The following GTF2IRD1 variants were observed in gnomAD, a reference collection of about 807,000 sequenced individuals.
GTF2IRD1 encodes general transcription factor II-I repeat domain-containing protein 1.
Under a neutral mutation model 113.2 loss-of-function variants are expected in GTF2IRD1, and 26 were observed. The ratio of observed to expected loss-of-function variants is 0.23; its 90% CI spans 0.17 to 0.32. GTF2IRD1 has a LOEUF of 0.32. Ranked by LOEUF, GTF2IRD1 falls within the 10% of genes least tolerant of loss-of-function variation. GTF2IRD1 has a pLI of 1.00. For missense variants in GTF2IRD1, 864 were observed against 1,280.8 expected (o/e 0.67, Z 4.97); for synonymous variants, 484 against 529.1 (o/e 0.91, Z 1.17).
At chr7:74,597,696 GA>G (rs1225762258) in intron 25 of GTF2IRD1, among the ~76,000 whole-genome samples, 1 of 152,148 alleles carries the variant, frequency 6.6e-6, no homozygotes, top group East Asian at 1.9e-4. Context: ...AAAAAATACT[GA>G]TCTAATCTTA....
At chr7:74,590,533 T>C (rs782722194) in intron 23 of GTF2IRD1, among the ~76,000 whole-genome samples, 3 of 151,724 alleles carry the variant, frequency 2.0e-5, no homozygotes, top group Non-Finnish European at 4.4e-5. Flanking sequence ...GGACTACAGG[T>C]GCCCGCCACC....
At chr7:74,496,968 C>T (rs1454310709) in intron 1 of GTF2IRD1, among the ~76,000 whole-genome samples, 10 of 151,978 alleles carry the variant, frequency 6.6e-5, no homozygotes, top group African/African-American at 1.7e-4. Context: ...TCAAGGCCAG[C>T]CTGGGCAACA....
At chr7:74,561,260 A>T (rs1188520223) in intron 22 of GTF2IRD1, among the ~76,000 whole-genome samples, 3 of 151,326 alleles carry the variant, frequency 2.0e-5, no homozygotes, top group African/African-American at 7.3e-5. Flanking sequence ...GAGGCAGGAG[A>T]ATCACTTGAA....
At chr7:74,597,872 C>T (rs1243897701) in intron 25 of GTF2IRD1, among the ~76,000 whole-genome samples, 5 of 152,084 alleles carry the variant, frequency 3.3e-5, no homozygotes, top group Non-Finnish European at 7.4e-5. Context: ...TCAACAGGGA[C>T]AGTGATAGGA....
chr7:74,582,113 G>A (rs782019449), intron 22 of GTF2IRD1, among the ~76,000 whole-genome samples: 23 of 152,218 alleles, frequency 1.5e-4, no homozygotes, highest in African/African-American at 5.1e-4. Context: ...GAGCTGTCTC[G>A]GTTGCAGCGG....
In GTF2IRD1 at chr7:74,525,959, G is replaced by T. The variant is rs113176813; in HGVS notation, c.1090+1805G>T. 2.6e-4 allele frequency among the ~76,000 whole-genome samples: 39 copies of T among 152,262 alleles called. 1 individual carries two copies. The highest frequency in any genetic ancestry group is 8.4e-4 in the African/African-American group (35 of 41,574). On this transcript the variant is annotated intron_variant, in intron 8 of 26. Coordinates refer to ENST00000424337, the MANE Select transcript of GTF2IRD1 (RefSeq NM_005685.4). The stretch of plus-strand genomic sequence containing the variant: ...TGACATGGGGCTGAACAAGACTCTG[G>T]AGGCCTTAGTGAGGAGCCTGGGATA...
intron 24 of GTF2IRD1, among the ~76,000 whole-genome samples, chr7:74,591,545 T>C (rs1802064550): frequency 6.6e-6 from 1 of 151,846 alleles, no homozygotes; most frequent in Admixed American, 6.6e-5. Context: ...CACCGGCTAA[T>C]TTTTGTATTT....
At chr7:74,522,592 C>A (rs1386384112) in intron 7 of GTF2IRD1, among the ~76,000 whole-genome samples, 1 of 152,056 alleles carries the variant, frequency 6.6e-6, no homozygotes, top group Non-Finnish European at 1.5e-5. Flanking sequence ...GGAGGACCCT[C>A]CCCCCCAACA....
chr7:74,572,106 C>T (rs782698207), intron 22 of GTF2IRD1, among the ~76,000 whole-genome samples: 5 of 152,176 alleles, frequency 3.3e-5, no homozygotes, highest in Non-Finnish European at 7.3e-5. Context: ...TGTGGGGTCT[C>T]CTGTCACCCA....
At position 74,530,004 on chromosome 7, in the gene GTF2IRD1, GT is replaced by G. The variant is rs1316264219; in HGVS notation, c.1274+89del. ...GCAGGCAGATCGCTTGAGGCCAGGA[GT>G]TCGAGACCAGCCTGGTCAACATGGC... On this transcript the variant is annotated intron_variant, in intron 9 of 26. Coordinates refer to ENST00000424337, the MANE Select transcript of GTF2IRD1 (RefSeq NM_005685.4). 20 of 946,028 alleles carry G rather than the reference GT, an allele frequency of 2.1e-5. No homozygotes were observed. The Middle Eastern group carries it at 7.2e-4, about 34-fold the overall frequency. The allele number at this position is 946,028 out of a possible 1,614,324, so 58.6% of individuals were successfully genotyped here. A position where few individuals can be genotyped will look rare whatever the true frequency, so the allele number is the denominator to read the frequency against.
In GTF2IRD1 at chr7:74,557,942, A is replaced by G. The variant is rs587714763; in HGVS notation, c.2107+220A>G. Among the ~76,000 whole-genome samples, 10 of 152,276 alleles carry G rather than the reference A, an allele frequency of 6.6e-5. No individual in the cohort carries two copies. The East Asian group carries it at 1.5e-3, about 23-fold the overall frequency. ...CTGTACTCATGAGCCTTGCAGACCAATGAGGTGAGATACACTTTCAAGAAC... is the reference window on the plus strand; with the variant it reads ...CTGTACTCATGAGCCTTGCAGACCAGTGAGGTGAGATACACTTTCAAGAAC... On this transcript the variant is annotated intron_variant, in intron 20 of 26. Coordinates refer to ENST00000424337, the MANE Select transcript of GTF2IRD1 (RefSeq NM_005685.4).
At chr7:74,497,144 AGAGT>A (rs1795780524) in intron 1 of GTF2IRD1, among the ~76,000 whole-genome samples, 1 of 152,210 alleles carries the variant, frequency 6.6e-6, no homozygotes, top group African/African-American at 2.4e-5. Context: ...CCTGGGCAAC[AGAGT>A]GAGACTCTTT....
chr7:74,480,224 C>T (rs1218596820), intron 1 of GTF2IRD1, among the ~76,000 whole-genome samples: 2 of 152,070 alleles, frequency 1.3e-5, no homozygotes, highest in Non-Finnish European at 2.9e-5. Context: ...GGCAGGAGCA[C>T]CTGCTGTTGG....
chr7:74,514,149 AG>A (rs1313347727), intron 3 of GTF2IRD1, among the ~76,000 whole-genome samples: 1 of 152,140 alleles, frequency 6.6e-6, no homozygotes, highest in East Asian at 1.9e-4. Flanking sequence ...GCAAGCACTT[AG>A]GGCAGTGTCT....
intron 22 of GTF2IRD1, among the ~76,000 whole-genome samples, chr7:74,580,649 T>A (rs1287137959): frequency 1.3e-5 from 2 of 151,558 alleles, no homozygotes; most frequent in Non-Finnish European, 2.9e-5. Context: ...AAGATGAGAG[T>A]TGCCCAGCCA....
chr7:74,545,836 G>A, intron 16 of GTF2IRD1, 27 bp downstream of exon 16: 1 of 1,562,556 alleles, frequency 6.4e-7, no homozygotes, highest in Non-Finnish European at 8.8e-7. Context: ...ACAGGGTCTG[G>A]GGGCATCCCG....
At chr7:74,558,205 C>T (rs1206296289) in intron 20 of GTF2IRD1, among the ~76,000 whole-genome samples, 2 of 145,326 alleles carry the variant, frequency 1.4e-5, no homozygotes, top group African/African-American at 5.1e-5. Context: ...CTTGAGCCTG[C>T]GAGGGGGAGG....
chr7:74,492,312 AGG>A (rs1795405267), intron 1 of GTF2IRD1, among the ~76,000 whole-genome samples: 1 of 151,946 alleles, frequency 6.6e-6, no homozygotes, highest in Non-Finnish European at 1.5e-5. Flanking sequence ...CTGGGACTAC[AGG>A]TGCCTGCCAC....
intron 25 of GTF2IRD1, among the ~76,000 whole-genome samples, chr7:74,596,569 G>A (rs1407169394): frequency 6.6e-6 from 1 of 151,976 alleles, no homozygotes; most frequent in Non-Finnish European, 1.5e-5. Context: ...CTTTAGTCCA[G>A]GAGGCAGAGG....
Sources: allele counts gnomAD v4.1 joint callset (sites outside exome capture counted in the v4.1 genomes callset), GRCh38; gene constraint gnomAD v4.1.1; transcripts MANE v1.5; gene names NCBI Gene and HGNC (gene_info 2026-07-23, HGNC 2026-07-21).